CD47: variants seen among roughly 807,000 people sequenced by gnomAD.
CD47 encodes CD47 molecule, also known as leukocyte surface antigen CD47.
Under a neutral mutation model 44.6 loss-of-function variants are expected in CD47, and 11 were observed. That is an observed-to-expected ratio of 0.25 (90% CI 0.16 to 0.41). CD47 has a LOEUF of 0.41. CD47 is among the 10% of genes least tolerant of loss of function. The pLI is 1.00. For missense variants in CD47, 306 were observed against 386.7 expected (o/e 0.79, Z 1.75); for synonymous variants, 140 against 136.3 (o/e 1.03, Z -0.19).
chr3:108,061,907 A>G (rs551150348), intron 3 of CD47, among the ~76,000 whole-genome samples: 3 of 152,302 alleles, frequency 2.0e-5, no homozygotes, highest in East Asian at 3.9e-4. Flanking sequence ...TTCTACAGTG[A>G]CAAACATTAA....
intron 7 of CD47, chr3:108,052,308 C>T (rs1360774515): frequency 2.3e-5 from 6 of 258,232 alleles, no homozygotes; most frequent in Non-Finnish European, 4.5e-5. Flanking sequence ...GCTCCATCCT[C>T]CCTCCTCTAT....
At chr3:108,051,894 C>A in intron 8 of CD47, 45 bp downstream of exon 8, 1 of 1,423,642 alleles carries the variant, frequency 7.0e-7, no homozygotes, top group South Asian at 1.1e-5. Flanking sequence ...TCAGTCTAAT[C>A]CCTCAAATGA....
intron 2 of CD47, among the ~76,000 whole-genome samples, chr3:108,078,107 A>C (rs1425915991): frequency 1.3e-5 from 2 of 152,206 alleles, no homozygotes; most frequent in Admixed American, 6.5e-5. Context: ...GGACTGGGTG[A>C]AGGGCACATG....
intron 2 of CD47, among the ~76,000 whole-genome samples, chr3:108,076,404 A>G (rs2079311849): frequency 1.3e-5 from 2 of 152,240 alleles, no homozygotes. Context: ...TATTGCTAAT[A>G]GAACAGAAAT....
intron 1 of CD47, 83 bp downstream of exon 1, chr3:108,090,780 G>C: frequency 7.7e-7 from 1 of 1,291,534 alleles, no homozygotes; most frequent in African/African-American, 1.6e-5. Context: ...TCAGGGCGCC[G>C]CCGGGCTGGC....
At chr3:108,071,471 G>A (rs2079200913) in intron 2 of CD47, among the ~76,000 whole-genome samples, 1 of 152,088 alleles carries the variant, frequency 6.6e-6, no homozygotes, top group South Asian at 2.1e-4. Flanking sequence ...TGAGAACAAG[G>A]CTCTGTGGCC....
intron 6 of CD47, 104 bp from the exon 7 acceptor site, chr3:108,057,673 A>T: frequency 1.7e-6 from 1 of 594,188 alleles, no homozygotes; most frequent in Non-Finnish European, 3.0e-6. Context: ...ACGATCAAAA[A>T]ACAAAAATTA....
chr3:108,057,479 A>C lies in CD47; in HGVS notation c.875T>G (p.Val292Gly), dbSNP rs777556173. Reference sequence around the variant, plus strand: ...TAATGAAAATAAGATTGACTTACCCACAAATTTCATATAAACTAGTCCAAG... The same window carrying C: ...TAATGAAAATAAGATTGACTTACCCCCAAATTTCATATAAACTAGTCCAAG... ...QLLGLVYMKFVASNQKTIQPP... is the reference protein window; with the variant it reads ...QLLGLVYMKFGASNQKTIQPP... The change falls in exon 7 of 11, where the codon GTG becomes GGG. Residue 292 changes from valine (V) to glycine (G), a missense_variant and splice_region_variant. By Grantham distance (109) the Val-to-Gly change is moderately radical (BLOSUM62 -3). This residue lies in a region of CD47 where 131 missense variants were observed against 135.3 expected (regional missense o/e 0.97). Coordinates refer to ENST00000361309, the MANE Select transcript of CD47 (RefSeq NM_001777.4). The C allele has an allele frequency of 7.0e-7, 1 of 1,434,628 alleles. No homozygotes were observed. Among genetic ancestry groups the C allele is most frequent in the Non-Finnish European group, 9.8e-7 (1 of 1,019,508 alleles). The allele number at this position is 1,434,628 out of a possible 1,614,324, so 88.9% of individuals were successfully genotyped here.
chr3:108,074,981 G>A (rs1227806471), intron 2 of CD47, among the ~76,000 whole-genome samples: 5 of 152,192 alleles, frequency 3.3e-5, no homozygotes, highest in South Asian at 2.1e-4. Flanking sequence ...GTCAGATGAC[G>A]TTAACTCTTG....
chr3:108,048,354 C>T (rs973170606), intron 10 of CD47, among the ~76,000 whole-genome samples: 2 of 144,312 alleles, frequency 1.4e-5, no homozygotes, highest in Non-Finnish European at 3.0e-5. Flanking sequence ...CTTTGTTCAC[C>T]AATGCATGAC....
At position 108,085,295 on chromosome 3, in the gene CD47, C is replaced by G. The variant is rs1468954079; in HGVS notation, c.47-4951G>C. ...TAGTTAAGTGCACACATTAAGGGGTCGACCCTAGTTTAAGATTCACCTCAT... is the reference window on the plus strand; with the variant it reads ...TAGTTAAGTGCACACATTAAGGGGTGGACCCTAGTTTAAGATTCACCTCAT... On this transcript the variant is annotated intron_variant, in intron 1 of 10. Transcript: ENST00000361309. 2.0e-5 allele frequency among the ~76,000 whole-genome samples: 3 copies of G among 152,042 alleles called. No individual in the cohort carries two copies. The East Asian group carries it at 5.8e-4, about 29-fold the overall frequency.
At chr3:108,056,422 CCA>C (rs1559986289) in intron 7 of CD47, among the ~76,000 whole-genome samples, 2 of 151,972 alleles carry the variant, frequency 1.3e-5, no homozygotes, top group African/African-American at 4.8e-5. Flanking sequence ...TCATCAAGAA[CCA>C]AAGTTCAGAA....
intron 2 of CD47, 78 bp downstream of exon 2, chr3:108,079,913 C>A (rs564257953): frequency 9.0e-5 from 73 of 814,824 alleles, no homozygotes; most frequent in Non-Finnish European, 1.4e-4. Flanking sequence ...GAGTACCTAT[C>A]CCCATTTGGC....
chr3:108,068,906 A>C (rs896695052), intron 3 of CD47, among the ~76,000 whole-genome samples: 7 of 152,226 alleles, frequency 4.6e-5, no homozygotes, highest in African/African-American at 1.7e-4. Flanking sequence ...AGATGAGCCA[A>C]AACAAAAAAT....
At position 108,080,165 on chromosome 3, in the gene CD47, T is replaced by C. The variant is rs779808912; in HGVS notation, c.226A>G (p.Thr76Ala). The change falls in exon 2 of 11, where the codon ACT (threonine) becomes GCT (alanine). Residue 76 changes from threonine to alanine, a missense_variant. Thr to Ala is a moderately conservative substitution (Grantham distance 58). Around this residue, in one of 5 missense-constraint regions of CD47, gnomAD observed 25 missense variants for 52.7 expected, o/e 0.47. Transcript: ENST00000361309. ...YTFDGALNKS[T>A]VPTDFSSAKI... is the part of the protein sequence containing the mutation. ...GCACTACTAAAGTCAGTGGGGACAG[T>C]GGACTTGTTTAGAGCTCCATCAAAG... 6.2e-6 allele frequency: 10 copies of C among 1,613,228 alleles called. No homozygotes were observed. The highest frequency in any genetic ancestry group is 2.2e-5 in the East Asian group (1 of 44,862).
At chr3:108,047,331 G>A (rs1016355624) in intron 10 of CD47, 39 bp from the exon 11 acceptor site, 17 of 1,549,950 alleles carry the variant, frequency 1.1e-5, no homozygotes, top group East Asian at 9.0e-5. Flanking sequence ...CACTATTCGT[G>A]TCTATTTTCT....
At position 108,049,094 on chromosome 3, in the gene CD47, ATCTCTCTCTCTCTCTCTCTCTCTC is replaced by A. The variant is rs55708779; in HGVS notation, c.967+501_967+524del. On this transcript the variant is annotated intron_variant, in intron 10 of 10. Transcript: ENST00000361309. ...TGGAAGCAAAAGCTGAGGACGAAACATCTCTCTCTCTCTCTCTCTCTCTCTCTCTCTCTCTCTCTCTCTCTCTCT... is the reference window on the plus strand; with the variant it reads ...TGGAAGCAAAAGCTGAGGACGAAACATCTCTCTCTCTCTCTCTCTCTCTCT... Among the ~76,000 whole-genome samples the A allele has an allele frequency of 8.5e-4, 110 of 129,370 alleles. 1 individual carries two copies. Among genetic ancestry groups the A allele is most frequent in the Middle Eastern group, 7.4e-3 (2 of 272 alleles). The allele number at this position is 129,370 out of a possible 152,430, so 84.9% of individuals were successfully genotyped here. A position where few individuals can be genotyped will look rare whatever the true frequency, so the allele number is the denominator to read the frequency against.
At chr3:108,072,170 A>G (rs749995027) in intron 2 of CD47, among the ~76,000 whole-genome samples, 72 of 152,328 alleles carry the variant, frequency 4.7e-4, no homozygotes, top group Non-Finnish European at 7.5e-4. Flanking sequence ...AGCCAAGTAA[A>G]TGTACTGAAA....
chr3:108,083,820 A>C (rs990228047), intron 1 of CD47, among the ~76,000 whole-genome samples: 2 of 151,752 alleles, frequency 1.3e-5, no homozygotes, highest in South Asian at 4.2e-4. Context: ...ATACAAACTG[A>C]AACCTTCAGA....
Sources: gnomAD v4.1 joint callset for allele counts (sites outside exome capture counted in the v4.1 genomes callset) on GRCh38, gnomAD v4.1.1 for gene constraint, gnomAD v4.1.1 regional missense constraint, MANE v1.5 for transcripts, NCBI Gene and HGNC (gene_info 2026-07-23, HGNC 2026-07-21) for gene names.